Variants in RBMS3 observed in about 807,000 individuals in gnomAD.
RBMS3 encodes the protein RNA binding motif single stranded interacting protein 3, also known as RNA-binding motif, single-stranded-interacting protein 3.
RBMS3 carries 27 observed loss-of-function variants against 66.8 expected under a neutral mutation model. The observed-to-expected ratio is 0.40, with a 90% CI of 0.30 to 0.56. RBMS3 has a LOEUF of 0.56. RBMS3 is among the 20% of genes least tolerant of loss of function. The pLI is 0.40. For synonymous variants in RBMS3, 188 were observed against 183.0 expected (o/e 1.03, Z -0.22); for missense variants, 513 against 549.5 (o/e 0.93, Z 0.66).
intron 4 of RBMS3, among the ~76,000 whole-genome samples, chr3:29,669,669 A>G (rs2050912781): frequency 2.0e-5 from 3 of 152,184 alleles, no homozygotes. Context: ...TGGGGGTTCC[A>G]TGGGTGATTT....
intron 3 of RBMS3, among the ~76,000 whole-genome samples, chr3:29,500,122 T>TA (rs1486256393): frequency 6.6e-6 from 1 of 150,748 alleles, no homozygotes; most frequent in African/African-American, 2.4e-5. Flanking sequence ...GTAGGCTCAT[T>TA]AAAAAAAATA....
At chr3:29,367,386 G>T (rs1206136943) in intron 1 of RBMS3, among the ~76,000 whole-genome samples, 1 of 152,060 alleles carries the variant, frequency 6.6e-6, no homozygotes, top group Admixed American at 6.6e-5. Context: ...GAGTGTCTAC[G>T]TGTGTGAGTG....
At chr3:29,717,229 C>T (rs961183128) in intron 4 of RBMS3, among the ~76,000 whole-genome samples, 1 of 152,044 alleles carries the variant, frequency 6.6e-6, no homozygotes, top group African/African-American at 2.4e-5. Flanking sequence ...GTGCTCAATA[C>T]ATAATAAGTG....
chr3:29,536,364 T>C (rs536175253), intron 3 of RBMS3, among the ~76,000 whole-genome samples: 2 of 152,066 alleles, frequency 1.3e-5, no homozygotes, highest in Admixed American at 6.5e-5. Context: ...CATGTATTAA[T>C]TTTTTTTCAG....
chr3:29,429,639 CACAGTGTT>C (rs1480943077), intron 1 of RBMS3, among the ~76,000 whole-genome samples: 1 of 152,178 alleles, frequency 6.6e-6, no homozygotes, highest in Non-Finnish European at 1.5e-5. Flanking sequence ...CCTGTTATAG[CACAGTGTT>C]ACAGTGTTCA....
At chr3:29,414,169 C>T (rs1461835523) in intron 1 of RBMS3, among the ~76,000 whole-genome samples, 3 of 152,164 alleles carry the variant, frequency 2.0e-5, no homozygotes, top group Non-Finnish European at 4.4e-5. Flanking sequence ...ATTCTTATGC[C>T]TGATCACATT....
At chr3:29,674,581 A>G (rs138901704) in intron 4 of RBMS3, among the ~76,000 whole-genome samples, 1,766 of 152,208 alleles carry the variant, frequency 0.012, 18 homozygotes, top group Non-Finnish European at 0.019. Flanking sequence ...TCAGTGTGCA[A>G]AAATCACAAG....
intron 4 of RBMS3, among the ~76,000 whole-genome samples, chr3:29,675,667 A>C (rs1467964501): frequency 2.0e-5 from 3 of 152,368 alleles, no homozygotes; most frequent in Admixed American, 1.3e-4. Context: ...GCCAACAGAC[A>C]CATGAAAAAA....
At chr3:29,579,881 G>C (rs1475148791) in intron 3 of RBMS3, among the ~76,000 whole-genome samples, 1 of 152,110 alleles carries the variant, frequency 6.6e-6, no homozygotes, top group Non-Finnish European at 1.5e-5. Flanking sequence ...TCTCGATAAA[G>C]CATAGTGACT....
chr3:29,667,111 T>G (rs1230709081), intron 4 of RBMS3, among the ~76,000 whole-genome samples: 1 of 152,214 alleles, frequency 6.6e-6, no homozygotes, highest in Non-Finnish European at 1.5e-5. Context: ...ATAATGTTCT[T>G]GCCCTCCTTT....
At chr3:29,813,752 G>A (rs904431135) in intron 6 of RBMS3, among the ~76,000 whole-genome samples, 7 of 151,994 alleles carry the variant, frequency 4.6e-5, no homozygotes, top group African/African-American at 1.7e-4. Flanking sequence ...ATTGTGAATG[G>A]GAGTTCACTC....
chr3:29,318,905 A>G (rs1352640873), intron 1 of RBMS3, among the ~76,000 whole-genome samples: 1 of 151,946 alleles, frequency 6.6e-6, no homozygotes, highest in East Asian at 1.9e-4. Context: ...AGATTCAGGG[A>G]AAATACCCTA....
intron 1 of RBMS3, among the ~76,000 whole-genome samples, chr3:29,425,216 CA>C (rs71091059): frequency 0.11 from 13,429 of 120,082 alleles, 648 homozygotes; most frequent in East Asian, 0.29. Context: ...CCAAAAAAAA[CA>C]AAAAAAAAAA....
rs763428506 is a variant in RBMS3, at chr3:29,991,079, T to C, written c.1180-3T>C. The stretch of plus-strand genomic sequence containing the variant: ...GCTTTTATGTTCTTATTTGCCTCCT[T>C]AGGGTGTTGTTGCTGATACCTCTCC... On this transcript the variant is annotated splice_region_variant and splice_polypyrimidine_tract_variant and intron_variant, in intron 13 of 14. Transcript: ENST00000383767. 1 of 1,613,994 alleles carries C rather than the reference T, an allele frequency of 6.2e-7. No homozygotes were observed. Among genetic ancestry groups the C allele is most frequent in the Non-Finnish European group, 8.5e-7 (1 of 1,179,936 alleles).
intron 2 of RBMS3, among the ~76,000 whole-genome samples, chr3:29,443,719 G>A (rs1341066893): frequency 2.0e-5 from 3 of 152,142 alleles, no homozygotes; most frequent in Non-Finnish European, 2.9e-5. Context: ...GGAGGCTTTT[G>A]TGGAAGTACA....
chr3:29,573,436 T>C (rs2047007546), intron 3 of RBMS3, among the ~76,000 whole-genome samples: 2 of 152,152 alleles, frequency 1.3e-5, no homozygotes, highest in African/African-American at 4.8e-5. Flanking sequence ...ATCTCTTATT[T>C]ATTTCTTTAT....
At chr3:29,822,288 A>G (rs566532322) in intron 6 of RBMS3, among the ~76,000 whole-genome samples, 1 of 152,294 alleles carries the variant, frequency 6.6e-6, no homozygotes, top group East Asian at 1.9e-4. Context: ...AATTTTAAAC[A>G]GACTATTTCT....
At chr3:29,882,351 C>T (rs533583661) in intron 7 of RBMS3, among the ~76,000 whole-genome samples, 4 of 152,134 alleles carry the variant, frequency 2.6e-5, no homozygotes, top group East Asian at 3.9e-4. Context: ...TTTCTGCTGT[C>T]GTATTCTATT....
chr3:29,507,157 A>T lies in RBMS3; in HGVS notation c.307+18658A>T, dbSNP rs1300689283. Among the ~76,000 whole-genome samples, 3 of 151,462 alleles carry T rather than the reference A, an allele frequency of 2.0e-5. No individual in the cohort carries two copies. The South Asian group carries it at 6.2e-4, about 31-fold the overall frequency. The stretch of plus-strand genomic sequence containing the variant: ...TTCTTTTTCTGATTCCTTGAAGTTT[A>T]ACATTAGGATATCTCTTTACTATCA... On this transcript the variant is annotated intron_variant, in intron 3 of 14. Transcript: ENST00000383767.
Sources: allele counts gnomAD v4.1 joint callset (sites outside exome capture counted in the v4.1 genomes callset), GRCh38; gene constraint gnomAD v4.1.1; transcripts MANE v1.5; gene names NCBI Gene and HGNC (gene_info 2026-07-23, HGNC 2026-07-21).